Variants in UGT1A3 observed in about 807,000 individuals in gnomAD.
The protein encoded by UGT1A3 is UDP glucuronosyltransferase family 1 member A3.
A neutral mutation model predicts 41.0 loss-of-function variants in UGT1A3; 31 were observed. The ratio of observed to expected loss-of-function variants is 0.76; its 90% CI spans 0.57 to 1.02. UGT1A3 has a LOEUF of 1.02. UGT1A3 is among the 50% of genes least tolerant of loss of function. The pLI, the probability that UGT1A3 is intolerant of heterozygous loss-of-function variation, is 0.00. For synonymous variants in UGT1A3, 262 were observed against 257.6 expected (o/e 1.02, Z -0.17); for missense variants, 737 against 671.0 (o/e 1.10, Z -1.09).
chr2:233,767,950 A>T lies in UGT1A3; in HGVS notation c.1087+14A>T. The T allele has an allele frequency of 6.2e-7, 1 of 1,614,160 alleles. No homozygotes were observed. On this transcript the variant is annotated intron_variant, in intron 3 of 4. Transcript: ENST00000482026. ...ACGATCTGCTTGGTATGTTGGGCGG[A>T]TTGGATGTATAGGTCAAACCAGGGT... is the stretch of plus-strand genomic sequence containing the variant.
chr2:233,761,130 TC>T, intron 1 of UGT1A3: 1 of 1,614,212 alleles, frequency 6.2e-7, no homozygotes, highest in Non-Finnish European at 8.5e-7. Flanking sequence ...TCAACTGCCT[TC>T]ACCAAAATCC....
chr2:233,748,290 T>C (rs1391858558), intron 1 of UGT1A3, among the ~76,000 whole-genome samples: 2 of 151,668 alleles, frequency 1.3e-5, no homozygotes, highest in Non-Finnish European at 2.9e-5. Flanking sequence ...GAGGCAGACA[T>C]GAATGTTTAT....
At chr2:233,738,209 A>G (rs1479952122) in intron 1 of UGT1A3, among the ~76,000 whole-genome samples, 2 of 152,090 alleles carry the variant, frequency 1.3e-5, no homozygotes, top group Admixed American at 6.5e-5. Flanking sequence ...ACTTTCTGCC[A>G]GGATTATAAG....
Position 233,747,808 on chromosome 2 carries a change from C to T in UGT1A3, c.867+17815C>T, listed in dbSNP as rs1432471540. On this transcript the variant is annotated intron_variant, in intron 1 of 4. Coordinates refer to ENST00000482026, the MANE Select transcript of UGT1A3 (RefSeq NM_019093.4). ...TCCTCCTATATTCCTAAGTTACTAA[C>T]GACCAATTCAGACCACATGACATTC... 6.0e-5 allele frequency: 96 copies of T among 1,613,386 alleles called. No individual in the cohort carries two copies. In the South Asian group the frequency reaches 8.3e-4, roughly 14 times the overall value.
intron 1 of UGT1A3, chr2:233,754,863 C>G (rs533816242): frequency 1.9e-5 from 25 of 1,351,158 alleles, no homozygotes; most frequent in Admixed American, 3.8e-5. Flanking sequence ...GGGTGCAGAC[C>G]CTCTGCTTCT....
intron 1 of UGT1A3, among the ~76,000 whole-genome samples, chr2:233,742,411 A>G (rs566737557): frequency 5.3e-5 from 8 of 152,078 alleles, no homozygotes; most frequent in Non-Finnish European, 8.8e-5. Flanking sequence ...TAGTTTAGGA[A>G]CACCTTAAGC....
intron 1 of UGT1A3, chr2:233,755,218 C>A (rs1203897935): frequency 2.4e-5 from 25 of 1,027,326 alleles, no homozygotes; most frequent in Non-Finnish European, 3.5e-5. Flanking sequence ...TTCTTGATAC[C>A]CTCGGACGAG....
chr2:233,768,076 A>G (rs1699558493), intron 3 of UGT1A3, 140 bp downstream of exon 3: 2 of 1,593,048 alleles, frequency 1.3e-6, no homozygotes, highest in African/African-American at 1.3e-5. Flanking sequence ...CTAGTGGGGT[A>G]TCTCAACCCA....
intron 1 of UGT1A3, chr2:233,743,554 A>G: frequency 7.3e-7 from 1 of 1,367,106 alleles, no homozygotes; most frequent in East Asian, 4.6e-5. Flanking sequence ...CCCCCAAAAT[A>G]TTCTCCAGCG....
chr2:233,733,661 T>A (rs1200789776), intron 1 of UGT1A3, among the ~76,000 whole-genome samples: 1 of 152,240 alleles, frequency 6.6e-6, no homozygotes, highest in Non-Finnish European at 1.5e-5. Context: ...GAAGCCGACT[T>A]GATCGATGTG....
intron 1 of UGT1A3, chr2:233,747,968 A>G: frequency 6.2e-7 from 1 of 1,613,402 alleles, no homozygotes; most frequent in African/African-American, 1.3e-5. Context: ...TCAGCCATGC[A>G]TCTGTGTGGC....
At chr2:233,753,385 T>G (rs1695193775) in intron 1 of UGT1A3, 2 of 152,290 alleles carry the variant, frequency 1.3e-5, no homozygotes, top group South Asian at 4.1e-4. Flanking sequence ...GATTGGACTC[T>G]GAGGGTACTA....
intron 1 of UGT1A3, among the ~76,000 whole-genome samples, chr2:233,733,673 A>G (rs1046219304): frequency 2.0e-5 from 3 of 152,206 alleles, no homozygotes; most frequent in African/African-American, 7.2e-5. Context: ...ATCGATGTGG[A>G]TAAACTTTTT....
intron 1 of UGT1A3, among the ~76,000 whole-genome samples, chr2:233,756,709 T>A (rs1182039710): frequency 1.3e-5 from 2 of 152,126 alleles, no homozygotes; most frequent in Admixed American, 6.5e-5. Flanking sequence ...TTGGGGGGAC[T>A]TTTTTTGAGA....
rs750446316 is a variant in UGT1A3, at chr2:233,729,731, C to T, written c.605C>T (p.Ser202Leu). The change falls in exon 1 of 5, where the codon TCA (serine) becomes TTA (leucine). Residue 202 changes from serine to leucine, a missense_variant. Physicochemically the swap from Ser to Leu is moderately radical, Grantham distance 145 (BLOSUM62 -2). Coordinates refer to ENST00000482026, the MANE Select transcript of UGT1A3 (RefSeq NM_019093.4). ...SYIPRLLTTN[S>L]DHMTFMQRVK... ...ATTCCTAGATTACTAACAACCAATT[C>T]AGACCACATGACATTCATGCAAAGG... The T allele has an allele frequency of 2.3e-5, 37 of 1,613,888 alleles. No homozygotes were observed. The Middle Eastern group carries it at 1.3e-3, about 57-fold the overall frequency.
chr2:233,755,203 A>T, intron 1 of UGT1A3: 1 of 1,097,556 alleles, frequency 9.1e-7, no homozygotes, highest in African/African-American at 1.6e-5. Flanking sequence ...AGCTTGCGGT[A>T]CGCCTTCTTG....
intron 1 of UGT1A3, chr2:233,761,270 C>T (rs990068200): frequency 1.9e-6 from 3 of 1,591,968 alleles, no homozygotes; most frequent in Non-Finnish European, 2.6e-6. Context: ...AAAATGCCCT[C>T]TTTTGTTAAT....
chr2:233,772,555 A>G lies in UGT1A3; in HGVS notation c.1601A>G (p.His534Arg), dbSNP rs1350310639. Reference sequence around the variant, plus strand: ...AAGAAAGCCCACAAATCCAAGACCCATTGAGAAGTGGGTGGGAAATAAGGT... The same window carrying G: ...AAGAAAGCCCACAAATCCAAGACCCGTTGAGAAGTGGGTGGGAAATAAGGT... The part of the protein sequence containing the change: ...RVKKAHKSKT[H>R] The change falls in exon 5 of 5, where the codon CAT becomes CGT. Residue 534 changes from histidine to arginine, a missense_variant. Transcript: ENST00000482026. The G allele has an allele frequency of 3.1e-6, 5 of 1,613,990 alleles. No homozygotes were observed. In the South Asian group the frequency reaches 5.5e-5, roughly 18 times the overall value.
At chr2:233,736,636 C>T (rs1288684741) in intron 1 of UGT1A3, among the ~76,000 whole-genome samples, 1 of 152,166 alleles carries the variant, frequency 6.6e-6, no homozygotes, top group Non-Finnish European at 1.5e-5. Context: ...GCTCTAGTTT[C>T]CCCCCATCTT....
Sources: allele counts gnomAD v4.1 joint callset (sites outside exome capture counted in the v4.1 genomes callset), GRCh38; gene constraint gnomAD v4.1.1; transcripts MANE v1.5; gene names NCBI Gene and HGNC (gene_info 2026-07-23, HGNC 2026-07-21).